Variants in UST observed in about 807,000 individuals in gnomAD.
UST encodes the protein uronyl 2-sulfotransferase, also known as chondroitin sulfate 2-O-sulfotransferase.
A neutral mutation model predicts 45.6 loss-of-function variants in UST; 21 were observed. The ratio of observed to expected loss-of-function variants is 0.46; its 90% CI spans 0.33 to 0.66. The LOEUF is 0.66. UST is among the 30% of genes least tolerant of loss of function. The pLI, the probability that UST is intolerant of heterozygous loss-of-function variation, is 0.02. For synonymous variants in UST, 215 were observed against 200.6 expected, an observed-to-expected ratio of 1.07 and a Z score of -0.61; for missense variants, 463 against 512.4, an observed-to-expected ratio of 0.90 and a Z score of 0.93.
intron 4 of UST, among the ~76,000 whole-genome samples, chr6:148,962,618 CCA>C (rs1780685835): frequency 6.6e-6 from 1 of 152,122 alleles, no homozygotes; most frequent in Non-Finnish European, 1.5e-5. Context: ...TCCTGGGACT[CCA>C]GTTAGTTGTT....
At chr6:148,868,319 A>G (rs1216662086) in intron 1 of UST, among the ~76,000 whole-genome samples, 2 of 152,216 alleles carry the variant, frequency 1.3e-5, no homozygotes, top group Admixed American at 6.5e-5. Context: ...TTTCTCCATT[A>G]GTTCCCTGAA....
chr6:148,750,558 A>G (rs1294731516), intron 1 of UST, among the ~76,000 whole-genome samples: 4 of 152,342 alleles, frequency 2.6e-5, no homozygotes, highest in East Asian at 3.9e-4. Context: ...TCTGATTGCA[A>G]TACCCATTGC....
At chr6:149,067,772 G>T (rs549603425) in intron 7 of UST, among the ~76,000 whole-genome samples, 1 of 152,338 alleles carries the variant, frequency 6.6e-6, no homozygotes, top group South Asian at 2.1e-4. Context: ...GTACTTTCCA[G>T]TCATAGAGTC....
intron 5 of UST, among the ~76,000 whole-genome samples, chr6:149,015,227 A>G (rs1489612736): frequency 6.6e-6 from 1 of 152,220 alleles, no homozygotes; most frequent in Admixed American, 6.5e-5. Context: ...ACGGAAAAAG[A>G]CGAGCCCACA....
intron 1 of UST, among the ~76,000 whole-genome samples, chr6:148,759,412 A>T (rs1776160881): frequency 6.6e-6 from 1 of 151,962 alleles, no homozygotes; most frequent in Admixed American, 6.6e-5. Flanking sequence ...CTGTAGTCCC[A>T]GCTACTAGGG....
chr6:148,960,116 C>T (rs370353450), intron 4 of UST, among the ~76,000 whole-genome samples: 2 of 152,078 alleles, frequency 1.3e-5, no homozygotes, highest in African/African-American at 2.4e-5. Context: ...CGGCGAAACC[C>T]CATCTCTACT....
chr6:149,058,175 T>C (rs1776595599), intron 7 of UST, among the ~76,000 whole-genome samples: 1 of 152,084 alleles, frequency 6.6e-6, no homozygotes, highest in Non-Finnish European at 1.5e-5. Flanking sequence ...GAAGAAAAAG[T>C]AATAGACCAA....
chr6:148,926,712 C>G (rs1779820816), intron 2 of UST, among the ~76,000 whole-genome samples: 1 of 152,192 alleles, frequency 6.6e-6, no homozygotes, highest in Admixed American at 6.5e-5. Flanking sequence ...CAGCAGTGTT[C>G]ATTTATAACT....
chr6:149,005,213 G>A, intron 5 of UST: 1 of 844,228 alleles, frequency 1.2e-6, no homozygotes, highest in South Asian at 5.4e-5. Context: ...TTGGAGCCCT[G>A]CCCATCCAGC....
At chr6:148,992,468 C>CAAAACAA (rs1003584069) in intron 5 of UST, among the ~76,000 whole-genome samples, 1 of 152,028 alleles carries the variant, frequency 6.6e-6, no homozygotes, top group Non-Finnish European at 1.5e-5. Flanking sequence ...GATTACGTCT[C>CAAAACAA]AAAACAAAAA....
intron 3 of UST, among the ~76,000 whole-genome samples, chr6:148,946,173 A>G (rs1406596758): frequency 6.6e-6 from 1 of 152,204 alleles, no homozygotes; most frequent in African/African-American, 2.4e-5. Flanking sequence ...AAAAGTCTAC[A>G]GGCTACAGGG....
chr6:148,786,130 T>C (rs1776730059), intron 1 of UST, among the ~76,000 whole-genome samples: 1 of 152,196 alleles, frequency 6.6e-6, no homozygotes, highest in Non-Finnish European at 1.5e-5. Context: ...ATGATTCTCT[T>C]TTCATTAAAT....
At chr6:149,013,772 C>A (rs1775855143) in intron 5 of UST, among the ~76,000 whole-genome samples, 1 of 152,176 alleles carries the variant, frequency 6.6e-6, no homozygotes, top group African/African-American at 2.4e-5. Context: ...AGCCAGAAAT[C>A]CTGTCTTTGA....
intron 5 of UST, among the ~76,000 whole-genome samples, chr6:148,983,936 T>A (rs1379795292): frequency 6.6e-6 from 1 of 152,186 alleles, no homozygotes; most frequent in African/African-American, 2.4e-5. Context: ...AAACACACGA[T>A]AACATCGATG....
chr6:148,993,122 C>T, intron 5 of UST: 4 of 953,530 alleles, frequency 4.2e-6, no homozygotes, highest in Non-Finnish European at 5.0e-6. Flanking sequence ...CTTAAATGCC[C>T]AAATTCTGAA....
intron 1 of UST, among the ~76,000 whole-genome samples, chr6:148,871,754 A>G (rs1040809375): frequency 3.9e-5 from 6 of 152,194 alleles, no homozygotes; most frequent in African/African-American, 1.4e-4. Flanking sequence ...GTCCTTAGAG[A>G]AAGAATTTCA....
chr6:148,929,010 C>T (rs1193747075), intron 2 of UST, among the ~76,000 whole-genome samples: 2 of 152,226 alleles, frequency 1.3e-5, no homozygotes, highest in Admixed American at 6.5e-5. Context: ...GGATAGGACA[C>T]AGCCATGGAT....
At chr6:148,795,397 G>A (rs975498594) in intron 1 of UST, among the ~76,000 whole-genome samples, 4 of 152,176 alleles carry the variant, frequency 2.6e-5, no homozygotes, top group Non-Finnish European at 5.9e-5. Context: ...TTGCTCACAA[G>A]CACCTGCATC....
At chr6:148,872,897 A>G (rs776387204) in intron 1 of UST, among the ~76,000 whole-genome samples, 1 of 152,112 alleles carries the variant, frequency 6.6e-6, no homozygotes, top group Non-Finnish European at 1.5e-5. Context: ...GTCCCAAGTA[A>G]TCTAGGATCT....
Sources: allele counts gnomAD v4.1 joint callset (sites outside exome capture counted in the v4.1 genomes callset), GRCh38; gene constraint gnomAD v4.1.1; transcripts MANE v1.5; gene names NCBI Gene and HGNC (gene_info 2026-07-23, HGNC 2026-07-21).